PTGIS: variants seen among roughly 807,000 people sequenced by gnomAD.
The protein encoded by PTGIS is prostaglandin I2 synthase, also known as prostacyclin synthase.
PTGIS carries 45 observed loss-of-function variants against 50.3 expected under a neutral mutation model. The observed-to-expected ratio is 0.90, with a 90% CI of 0.70 to 1.15. The LOEUF is 1.15. Among genes scored for constraint, PTGIS ranks in the 50% most tolerant of loss-of-function variants. The pLI, the probability that PTGIS is intolerant of heterozygous loss-of-function variation, is 0.00. For missense variants in PTGIS, 668 were observed against 661.3 expected, an observed-to-expected ratio of 1.01 and a Z score of -0.11; for synonymous variants, 260 against 267.7, an observed-to-expected ratio of 0.97 and a Z score of 0.28.
intron 1 of PTGIS, among the ~76,000 whole-genome samples, chr20:49,560,708 A>G (rs1982749864): frequency 6.6e-6 from 1 of 152,176 alleles, no homozygotes; most frequent in African/African-American, 2.4e-5. Context: ...CAGAGGCAAC[A>G]GCAAGTGCAA....
intron 1 of PTGIS, among the ~76,000 whole-genome samples, chr20:49,552,305 CCTTT>C (rs1982529711): frequency 6.6e-6 from 1 of 152,176 alleles, no homozygotes. Context: ...ATATCTCTCT[CCTTT>C]TAGAGACCCA....
rs1981101148 is a variant in PTGIS at position 49,504,900 on chromosome 20, A to C, written c.*3020T>G. ...AGCACTTTGGGAGGCCGAGGCGGGC[A>C]GATCACGAGCTCAGGAGATCAAGAC... On this transcript the variant is annotated 3_prime_UTR_variant, in exon 10 of 10. Transcript: ENST00000244043. The C allele has an allele frequency of 6.6e-6, 1 of 152,086 alleles. No individual in the cohort carries two copies. Among genetic ancestry groups the C allele is most frequent in the Admixed American group, 6.6e-5 (1 of 15,256 alleles). 9.4% of individuals were successfully genotyped at this position (152,086 alleles called of 1,614,324 possible).
chr20:49,552,095 TA>T (rs1381843472), intron 1 of PTGIS, among the ~76,000 whole-genome samples: 1 of 152,138 alleles, frequency 6.6e-6, no homozygotes, highest in Non-Finnish European at 1.5e-5. Context: ...CCTAAGAGTG[TA>T]AAAAGACAAG....
intron 1 of PTGIS, among the ~76,000 whole-genome samples, chr20:49,564,592 C>T (rs571784923): frequency 2.1e-3 from 319 of 152,260 alleles, no homozygotes; most frequent in Non-Finnish European, 3.4e-3. Flanking sequence ...ACTGTCAAAT[C>T]AAGGTATAGG....
At chr20:49,517,788 C>T (rs572839842) in intron 6 of PTGIS, among the ~76,000 whole-genome samples, 16 of 152,326 alleles carry the variant, frequency 1.1e-4, no homozygotes, top group Non-Finnish European at 2.2e-4. Context: ...CCCGCTCCTG[C>T]CTGCATCCGC....
At chr20:49,554,115 A>C (rs1210221033) in intron 1 of PTGIS, among the ~76,000 whole-genome samples, 1 of 152,200 alleles carries the variant, frequency 6.6e-6, no homozygotes, top group Non-Finnish European at 1.5e-5. Flanking sequence ...TTTTTAACTC[A>C]AAAGTTCAAC....
chr20:49,523,994 CAT>C lies in PTGIS; in HGVS notation c.855+62_855+63del, dbSNP rs781010548. On this transcript the variant is annotated intron_variant, in intron 6 of 9. Coordinates refer to ENST00000244043, the MANE Select transcript of PTGIS (RefSeq NM_000961.4). ...ACAGGTGCACAGACATGCACACACACATGCGTTCATATCGCAACCACACATGC... is the reference window on the plus strand; with the variant it reads ...ACAGGTGCACAGACATGCACACACACGCGTTCATATCGCAACCACACATGC... The C allele has an allele frequency of 2.2e-4, 346 of 1,581,706 alleles. 3 individuals carry two copies. The South Asian group carries it at 3.5e-3, about 16-fold the overall frequency.
rs1785333816 is a variant in PTGIS, at chr20:49,503,943, T to C, written c.*3977A>G. ...TTGACAATGTTATACGAAAATAGAA[T>C]CTTTATTAAAATAGCAAGGCATAAC... On this transcript the variant is annotated 3_prime_UTR_variant, in exon 10 of 10. Coordinates refer to ENST00000244043, the MANE Select transcript of PTGIS (RefSeq NM_000961.4). 1 of 152,380 alleles carries C rather than the reference T, an allele frequency of 6.6e-6. No individual in the cohort carries two copies. Among genetic ancestry groups the C allele is most frequent in the South Asian group, 2.1e-4 (1 of 4,834 alleles). 9.4% of individuals were successfully genotyped at this position (152,380 alleles called of 1,614,324 possible).
intron 6 of PTGIS, among the ~76,000 whole-genome samples, chr20:49,515,887 CT>C (rs899875953): frequency 3.2e-4 from 47 of 146,602 alleles, no homozygotes; most frequent in East Asian, 4.0e-4. Context: ...CAGACCATCT[CT>C]TTTTTTTTTT....
At chr20:49,543,889 C>G (rs1326404054) in intron 4 of PTGIS, among the ~76,000 whole-genome samples, 1 of 152,208 alleles carries the variant, frequency 6.6e-6, no homozygotes, top group Non-Finnish European at 1.5e-5. Flanking sequence ...TAGTGCCCGG[C>G]ACTGCTGAAG....
At chr20:49,543,143 CCTT>C (rs1290282283) in intron 4 of PTGIS, among the ~76,000 whole-genome samples, 2 of 152,048 alleles carry the variant, frequency 1.3e-5, no homozygotes, top group Non-Finnish European at 2.9e-5. Flanking sequence ...AGGGAGCTGT[CCTT>C]AACACCACTC....
intron 6 of PTGIS, among the ~76,000 whole-genome samples, chr20:49,519,418 T>A (rs1376201702): frequency 6.6e-6 from 1 of 152,028 alleles, no homozygotes; most frequent in Admixed American, 6.6e-5. Context: ...ACAGCAGCAA[T>A]CACAGCTACC....
intron 3 of PTGIS, among the ~76,000 whole-genome samples, chr20:49,546,732 TA>T: frequency 6.6e-6 from 1 of 152,244 alleles, no homozygotes; most frequent in South Asian, 2.1e-4. Context: ...AAAATAAGGA[TA>T]AAAATGCCCA....
chr20:49,533,099 C>T (rs898107620), intron 5 of PTGIS, among the ~76,000 whole-genome samples: 1 of 152,158 alleles, frequency 6.6e-6, no homozygotes, highest in Non-Finnish European at 1.5e-5. Context: ...CCCTGCCCAT[C>T]TCTGGACCTC....
chr20:49,508,018 C>T lies in PTGIS; in HGVS notation c.1405G>A (p.Ala469Thr), dbSNP rs199725387. ...LVHLDLELIN[A>T]DVEIPEFDLS... ...TCAAACTCAGGGATCTCCACATCTG[C>T]GTTGATCAGCTCCAAGTCCAAGTGC... is the stretch of plus-strand genomic sequence containing the variant. Residue 469 changes from alanine (A) to threonine (T), a missense_variant, in exon 10 of 10, where the codon GCA becomes ACA. Coordinates refer to ENST00000244043, the MANE Select transcript of PTGIS (RefSeq NM_000961.4). 1.3e-4 allele frequency: 203 copies of T among 1,613,856 alleles called. No homozygotes were observed. The highest frequency in any genetic ancestry group is 2.2e-4 in the Admixed American group (13 of 60,004).
At position 49,506,964 on chromosome 20, in the gene PTGIS, T is replaced by A. The variant is rs1981168458; in HGVS notation, c.*956A>T. 1 of 152,212 alleles carries A rather than the reference T, an allele frequency of 6.6e-6. No individual in the cohort carries two copies. Among genetic ancestry groups the A allele is most frequent in the African/African-American group, 2.4e-5 (1 of 41,448 alleles). The allele number at this position is 152,212 out of a possible 1,614,324, so 9.4% of individuals were successfully genotyped here. ...CAGTGTGGCCAGATATACCAAGTTT[T>A]CAAGAGAAGCTGGACATTTTGAATG... On this transcript the variant is annotated 3_prime_UTR_variant, in exon 10 of 10. Coordinates refer to ENST00000244043, the MANE Select transcript of PTGIS (RefSeq NM_000961.4).
chr20:49,527,360 G>C (rs1024922337), intron 5 of PTGIS, among the ~76,000 whole-genome samples: 18 of 152,098 alleles, frequency 1.2e-4, no homozygotes, highest in Non-Finnish European at 1.8e-4. Flanking sequence ...AGGAGGCTGA[G>C]GCACAAGAAT....
chr20:49,532,435 G>A (rs1981957460), intron 5 of PTGIS, among the ~76,000 whole-genome samples: 1 of 152,104 alleles, frequency 6.6e-6, no homozygotes, highest in South Asian at 2.1e-4. Flanking sequence ...GCCCAGTGCT[G>A]TAGCAGAGTG....
chr20:49,524,209 CTT>C lies in PTGIS; in HGVS notation c.702_703del (p.Arg236ProfsTer68), dbSNP rs1216452558. 1.2e-6 allele frequency: 2 copies of C among 1,614,224 alleles called. No individual in the cohort carries two copies. Among genetic ancestry groups the C allele is most frequent in the Admixed American group, 3.3e-5 (2 of 60,034 alleles). ...TGGGGATAGCAGCTTCCACAGGCGA[CTT>C]TTGACACTGCACATGTGGTCCTTGT... On this transcript the variant is annotated frameshift_variant, in exon 6 of 10. Transcript: ENST00000244043. LOFTEE classifies it high-confidence loss of function.
Sources: allele counts gnomAD v4.1 joint callset (sites outside exome capture counted in the v4.1 genomes callset), GRCh38; gene constraint gnomAD v4.1.1; transcripts MANE v1.5; gene names NCBI Gene and HGNC (gene_info 2026-07-23, HGNC 2026-07-21).